Variants in ATP9A observed in about 807,000 individuals in gnomAD.
ATP9A encodes the protein probable phospholipid-transporting ATPase IIA.
Under a neutral mutation model 144.1 loss-of-function variants are expected in ATP9A, and 52 were observed. That is an observed-to-expected ratio of 0.36 (90% CI 0.29 to 0.45). The LOEUF (loss-of-function observed/expected upper bound fraction) is 0.45. Among genes scored for constraint, ATP9A ranks in the 20% least tolerant of loss-of-function variants. The pLI is 1.00. For missense variants in ATP9A, 947 were observed against 1,392.7 expected, an observed-to-expected ratio of 0.68 and a Z score of 5.09; for synonymous variants, 582 against 557.4, an observed-to-expected ratio of 1.04 and a Z score of -0.62.
Position 51,716,157 on chromosome 20 carries a change from G to A in ATP9A, c.328-3083C>T, listed in dbSNP as rs117316122. Among the ~76,000 whole-genome samples the A allele has an allele frequency of 4.6e-5, 7 of 152,104 alleles. No individual in the cohort carries two copies. In the East Asian group the frequency reaches 1.4e-3, roughly 29 times the overall value. ...AAAACTCAATGAACTGAAAACTGAAGATCTGTGTATTTTATGGTATATAGA... is the reference window on the plus strand; with the variant it reads ...AAAACTCAATGAACTGAAAACTGAAAATCTGTGTATTTTATGGTATATAGA... On this transcript the variant is annotated intron_variant, in intron 3 of 27. Coordinates refer to ENST00000338821, the MANE Select transcript of ATP9A (RefSeq NM_006045.3).
chr20:51,761,079 C>T (rs1179643983), intron 1 of ATP9A, among the ~76,000 whole-genome samples: 2 of 152,134 alleles, frequency 1.3e-5, no homozygotes, highest in East Asian at 1.9e-4. Context: ...CTACCTAACA[C>T]CACCTCCATC....
chr20:51,617,277 C>T (rs920090555), intron 22 of ATP9A, among the ~76,000 whole-genome samples: 2 of 152,076 alleles, frequency 1.3e-5, no homozygotes, highest in East Asian at 1.9e-4. Context: ...AAATTCAGGT[C>T]GTGGCAAACA....
In ATP9A at chr20:51,625,223, G is replaced by A. The variant is rs548775508; in HGVS notation, c.1985C>T (p.Thr662Met). ...EDQLQADVRP[T>M]LETLRNAGIK... The stretch of plus-strand genomic sequence containing the variant: ...GCCAGCATTCCTCAGGGTCTCCAGC[G>A]TGGGCCGCACATCTGCCTGCAGCTG... Residue 662 changes from threonine to methionine, a missense_variant, in exon 18 of 28, where the codon ACG becomes ATG. Transcript: ENST00000338821. 80 of 1,613,696 alleles carry A rather than the reference G, an allele frequency of 5.0e-5. No individual in the cohort carries two copies. The highest frequency in any genetic ancestry group is 6.6e-5 in the South Asian group (6 of 91,068).
Position 51,729,976 on chromosome 20 carries a change from C to A in ATP9A, c.71G>T (p.Cys24Phe). 1 of 1,537,016 alleles carries A rather than the reference C, an allele frequency of 6.5e-7. No homozygotes were observed. The change falls in exon 2 of 28, where the codon TGC (cysteine) becomes TTC (phenylalanine). Residue 24 changes from cysteine (C) to phenylalanine (F), a missense_variant and splice_region_variant. By Grantham distance (205) the Cys-to-Phe change is radical. Around this residue, in one of 2 missense-constraint regions of ATP9A, gnomAD observed 770 missense variants for 1,047.9 expected, o/e 0.73. Coordinates refer to ENST00000338821, the MANE Select transcript of ATP9A (RefSeq NM_006045.3). ...ACCGCAGCATCTCAGCCACTCGCAGCACCTGTGGGAAAGAAACCCACGCAT... is the reference window on the plus strand; with the variant it reads ...ACCGCAGCATCTCAGCCACTCGCAGAACCTGTGGGAAAGAAACCCACGCAT... ...KRMDSRPRAG[C>F]CEWLRCCGGG...
intron 1 of ATP9A, among the ~76,000 whole-genome samples, chr20:51,744,004 C>G (rs2077796722): frequency 6.7e-6 from 1 of 148,418 alleles, no homozygotes. Flanking sequence ...AAGACTCCAT[C>G]TCAAAAAAAA....
chr20:51,686,271 G>A (rs1009549590), intron 9 of ATP9A, among the ~76,000 whole-genome samples: 1 of 151,762 alleles, frequency 6.6e-6, no homozygotes. Flanking sequence ...TGTACATGAC[G>A]AGTTAATGGG....
intron 1 of ATP9A, among the ~76,000 whole-genome samples, chr20:51,757,056 T>C (rs2077859716): frequency 6.6e-6 from 1 of 152,056 alleles, no homozygotes; most frequent in Admixed American, 6.6e-5. Context: ...CATTCTTGAT[T>C]GTCACAAGGT....
intron 1 of ATP9A, among the ~76,000 whole-genome samples, chr20:51,736,397 A>G (rs2077762705): frequency 6.6e-6 from 1 of 152,238 alleles, no homozygotes. Context: ...GCCACTGGTC[A>G]GAGAAAACAC....
At position 51,729,883 on chromosome 20, in the gene ATP9A, C is replaced by T. The variant is rs145570376; in HGVS notation, c.164G>A (p.Arg55Gln). Residue 55 changes from arginine (R) to glutamine (Q), a missense_variant, in exon 2 of 28, where the codon CGG becomes CAG. This residue lies in a region of ATP9A where 770 missense variants were observed against 1,047.9 expected (regional missense o/e 0.73). Transcript: ENST00000338821. ...GTACTTCTGATTGTTGATGACATTCCGAGGATACCTCTGGTCTCTCTTCTC... is the reference window on the plus strand; with the variant it reads ...GTACTTCTGATTGTTGATGACATTCTGAGGATACCTCTGGTCTCTCTTCTC... ...HPEKRDQRYP[R>Q]NVINNQKYNF... is the part of the protein sequence containing the mutation. The T allele has an allele frequency of 1.0e-4, 168 of 1,606,162 alleles. No homozygotes were observed. Among genetic ancestry groups the T allele is most frequent in the Non-Finnish European group, 1.3e-4 (155 of 1,177,466 alleles).
intron 14 of ATP9A, among the ~76,000 whole-genome samples, chr20:51,651,273 TA>T (rs1368320533): frequency 1.4e-5 from 2 of 139,278 alleles, no homozygotes; most frequent in Non-Finnish European, 3.1e-5. Flanking sequence ...ATATAATATA[TA>T]TTTACATAAT....
intron 4 of ATP9A, among the ~76,000 whole-genome samples, chr20:51,703,751 T>A (rs13044081): frequency 0.065 from 9,873 of 152,022 alleles, 616 homozygotes; most frequent in African/African-American, 0.17. Context: ...ACCAAAAAAA[T>A]TTTTTTTAAT....
chr20:51,760,380 G>A (rs1207810053), intron 1 of ATP9A, among the ~76,000 whole-genome samples: 1 of 152,068 alleles, frequency 6.6e-6, no homozygotes, highest in Non-Finnish European at 1.5e-5. Flanking sequence ...TTTCCCCTAA[G>A]AGCAATGGTT....
At chr20:51,715,240 T>C (rs2077657066) in intron 3 of ATP9A, among the ~76,000 whole-genome samples, 2 of 152,214 alleles carry the variant, frequency 1.3e-5, no homozygotes, top group African/African-American at 4.8e-5. Context: ...CTCCTCCCAA[T>C]GCCCATACAT....
At chr20:51,752,573 G>C (rs992297203) in intron 1 of ATP9A, among the ~76,000 whole-genome samples, 3 of 150,904 alleles carry the variant, frequency 2.0e-5, no homozygotes, top group Non-Finnish European at 4.4e-5. Flanking sequence ...AGTGTGTAGA[G>C]ATCTGGATGC....
At chr20:51,662,242 T>C (rs1022072829) in intron 13 of ATP9A, among the ~76,000 whole-genome samples, 1 of 152,208 alleles carries the variant, frequency 6.6e-6, no homozygotes, top group South Asian at 2.1e-4. Context: ...TGTTTTGCGC[T>C]TGAGTTTTTA....
intron 14 of ATP9A, among the ~76,000 whole-genome samples, chr20:51,652,258 G>A (rs1251173734): frequency 1.3e-5 from 2 of 152,210 alleles, no homozygotes; most frequent in African/African-American, 4.8e-5. Flanking sequence ...GGCAGGGAGG[G>A]CCCAGCGCCC....
chr20:51,692,703 G>A (rs577193137), intron 7 of ATP9A, among the ~76,000 whole-genome samples: 69 of 152,304 alleles, frequency 4.5e-4, no homozygotes, highest in African/African-American at 1.6e-3. Flanking sequence ...TCAGGAGGCT[G>A]AGGCAGGAAA....
chr20:51,728,805 T>G (rs1373113070), intron 2 of ATP9A, among the ~76,000 whole-genome samples: 1 of 152,154 alleles, frequency 6.6e-6, no homozygotes, highest in African/African-American at 2.4e-5. Flanking sequence ...CTCGACTATA[T>G]AATAGATTTG....
intron 3 of ATP9A, among the ~76,000 whole-genome samples, chr20:51,721,462 G>C (rs1243048830): frequency 9.2e-5 from 14 of 152,026 alleles, no homozygotes; most frequent in Admixed American, 9.2e-4. Context: ...TCTACACAAA[G>C]CTTTAAAATT....
Sources: allele counts gnomAD v4.1 joint callset (sites outside exome capture counted in the v4.1 genomes callset), GRCh38; gene constraint gnomAD v4.1.1; regional missense constraint gnomAD v4.1.1; transcripts MANE v1.5; gene names NCBI Gene and HGNC (gene_info 2026-07-23, HGNC 2026-07-21).